The following PTPRT variants were observed in gnomAD, a reference collection of about 807,000 sequenced individuals.
The protein encoded by PTPRT is protein tyrosine phosphatase receptor type T.
PTPRT carries 56 observed loss-of-function variants against 176.8 expected under a neutral mutation model. The observed-to-expected ratio is 0.32, with a 90% confidence interval of 0.26 to 0.40. The LOEUF (loss-of-function observed/expected upper bound fraction) is 0.40. Among genes scored for constraint, PTPRT ranks in the 10% least tolerant of loss-of-function variants. PTPRT has a pLI of 1.00. For missense variants in PTPRT, 1,540 were observed against 1,908.2 expected (o/e 0.81, Z 3.60); for synonymous variants, 783 against 739.0 (o/e 1.06, Z -0.96).
At chr20:42,945,161 T>C (rs1980802385) in intron 1 of PTPRT, among the ~76,000 whole-genome samples, 1 of 150,662 alleles carries the variant, frequency 6.6e-6, no homozygotes, top group Non-Finnish European at 1.5e-5. Flanking sequence ...ATCTTTACAT[T>C]TATTATAATG....
At chr20:42,817,855 G>C (rs1265844225) in intron 2 of PTPRT, among the ~76,000 whole-genome samples, 2 of 152,160 alleles carry the variant, frequency 1.3e-5, no homozygotes, top group Admixed American at 1.3e-4. Context: ...AGAGGCTCAA[G>C]GACAGAATTC....
intron 2 of PTPRT, among the ~76,000 whole-genome samples, chr20:42,813,639 A>T (rs538146259): frequency 3.2e-4 from 49 of 152,234 alleles, no homozygotes; most frequent in African/African-American, 1.2e-3. Context: ...CTACCATATC[A>T]GGGAAGTTTG....
At chr20:43,071,173 G>A (rs1450269014) in intron 1 of PTPRT, among the ~76,000 whole-genome samples, 2 of 152,082 alleles carry the variant, frequency 1.3e-5, no homozygotes, top group Non-Finnish European at 2.9e-5. Context: ...CCACATCCTT[G>A]CGGAGCTCCT....
chr20:42,745,531 T>G (rs2076679771), intron 6 of PTPRT, among the ~76,000 whole-genome samples: 2 of 152,164 alleles, frequency 1.3e-5, no homozygotes, highest in South Asian at 4.1e-4. Context: ...AAATGTCCCC[T>G]GGAAGGAAAA....
intron 9 of PTPRT, among the ~76,000 whole-genome samples, chr20:42,398,875 A>G (rs1222696609): frequency 6.6e-6 from 1 of 152,238 alleles, no homozygotes; most frequent in Non-Finnish European, 1.5e-5. Context: ...TCATTCAAGT[A>G]GCCATAGTCA....
chr20:42,990,181 G>A (rs1393749041), intron 1 of PTPRT, among the ~76,000 whole-genome samples: 2 of 152,144 alleles, frequency 1.3e-5, no homozygotes, highest in Non-Finnish European at 2.9e-5. Context: ...AAGGCATGAT[G>A]GTGAACAACT....
intron 6 of PTPRT, among the ~76,000 whole-genome samples, chr20:42,731,656 C>A (rs1454294061): frequency 6.6e-6 from 1 of 152,162 alleles, no homozygotes; most frequent in Admixed American, 6.5e-5. Context: ...AGACATGCAC[C>A]CTGTGCTCTG....
At position 42,198,710 on chromosome 20, in the gene PTPRT, C is replaced by T. The variant is rs990348250; in HGVS notation, c.2491+530G>A. 5.3e-5 allele frequency among the ~76,000 whole-genome samples: 8 copies of T among 152,166 alleles called. 1 individual carries two copies. The highest frequency in any genetic ancestry group is 1.9e-4 in the African/African-American group (8 of 41,426). ...ACTTGGAACACTGGCTGTGGTGGAA[C>T]TGGCAAATGTTTGAGGGATGAGGCT... On this transcript the variant is annotated intron_variant, in intron 16 of 30. Coordinates refer to ENST00000373187, the MANE Select transcript of PTPRT (RefSeq NM_007050.6).
At chr20:43,056,521 G>A (rs1987239886) in intron 1 of PTPRT, among the ~76,000 whole-genome samples, 1 of 152,168 alleles carries the variant, frequency 6.6e-6, no homozygotes, top group South Asian at 2.1e-4. Flanking sequence ...AGGGAACAAA[G>A]TCTTTTAAGA....
chr20:42,679,072 G>T (rs184166083), intron 6 of PTPRT, among the ~76,000 whole-genome samples: 2 of 152,168 alleles, frequency 1.3e-5, no homozygotes, highest in Admixed American at 6.5e-5. Context: ...CTGAGTTATC[G>T]TGCATCTACT....
intron 1 of PTPRT, among the ~76,000 whole-genome samples, chr20:42,922,140 TG>T (rs1355449293): frequency 6.6e-6 from 1 of 152,180 alleles, no homozygotes; most frequent in Non-Finnish European, 1.5e-5. Flanking sequence ...TTCGCTATAT[TG>T]GCCAGGCTGA....
intron 7 of PTPRT, among the ~76,000 whole-genome samples, chr20:42,607,791 G>C (rs371649362): frequency 2.6e-5 from 4 of 152,124 alleles, no homozygotes. Context: ...CAGGCAGAGG[G>C]ACCTGTGGGC....
At chr20:42,219,303 G>A (rs1159452887) in intron 15 of PTPRT, among the ~76,000 whole-genome samples, 2 of 152,198 alleles carry the variant, frequency 1.3e-5, no homozygotes, top group African/African-American at 4.8e-5. Flanking sequence ...AACACTTTGT[G>A]TCTGTGGGTC....
chr20:42,493,097 A>C (rs948243556), intron 7 of PTPRT, among the ~76,000 whole-genome samples: 1 of 152,196 alleles, frequency 6.6e-6, no homozygotes, highest in Admixed American at 6.6e-5. Flanking sequence ...GCCTCATGTA[A>C]AGTTTTAAAT....
chr20:42,198,625 C>T (rs1288025980), intron 16 of PTPRT, among the ~76,000 whole-genome samples: 2 of 152,142 alleles, frequency 1.3e-5, no homozygotes, highest in Admixed American at 6.5e-5. Context: ...TCTTAACCAC[C>T]CAAATCTTGG....
chr20:42,880,752 A>G (rs761593813), intron 2 of PTPRT, among the ~76,000 whole-genome samples: 2 of 152,234 alleles, frequency 1.3e-5, no homozygotes, highest in Non-Finnish European at 2.9e-5. Context: ...GACAGCCTCA[A>G]TAACGATAAG....
intron 11 of PTPRT, among the ~76,000 whole-genome samples, chr20:42,324,333 A>C (rs2057850052): frequency 6.6e-6 from 1 of 152,192 alleles, no homozygotes; most frequent in Non-Finnish European, 1.5e-5. Flanking sequence ...GGCCATAGAG[A>C]CAGAAATCAG....
chr20:42,295,862 G>A (rs1357898638), intron 12 of PTPRT, among the ~76,000 whole-genome samples: 13 of 152,118 alleles, frequency 8.5e-5, no homozygotes, highest in Non-Finnish European at 4.4e-5. Context: ...GAGATCAGAT[G>A]GTTTTATAAG....
chr20:42,878,791 G>A (rs1472014408), intron 2 of PTPRT, among the ~76,000 whole-genome samples: 2 of 152,150 alleles, frequency 1.3e-5, no homozygotes. Flanking sequence ...CACTTTGGGA[G>A]GCCGAGGTGG....
Sources: allele counts gnomAD v4.1 joint callset (sites outside exome capture counted in the v4.1 genomes callset), GRCh38; gene constraint gnomAD v4.1.1; transcripts MANE v1.5; gene names NCBI Gene and HGNC (gene_info 2026-07-23, HGNC 2026-07-21).